ACOT11: variants seen among roughly 807,000 people sequenced by gnomAD.
ACOT11 encodes the protein acyl-coenzyme A thioesterase 11.
ACOT11 carries 69 observed loss-of-function variants against 77.5 expected under a neutral mutation model. The observed-to-expected ratio is 0.89, with a 90% CI of 0.73 to 1.09. The LOEUF (loss-of-function observed/expected upper bound fraction) is 1.09, where lower values mean the gene tolerates loss of function less well. ACOT11 is among the 50% of genes least tolerant of loss of function. The pLI is 0.00. For synonymous variants in ACOT11, 279 were observed against 313.0 expected (o/e 0.89, Z 1.15); for missense variants, 766 against 813.7 (o/e 0.94, Z 0.71).
At chr1:54,594,082 T>C in intron 5 of ACOT11, 43 bp downstream of exon 5, 1 of 1,573,326 alleles carries the variant, frequency 6.4e-7, no homozygotes, top group Non-Finnish European at 8.7e-7. Flanking sequence ...CTCAGTGACC[T>C]GGGCACCTGC....
chr1:54,571,840 G>T (rs1205489073), intron 1 of ACOT11, among the ~76,000 whole-genome samples: 2 of 152,168 alleles, frequency 1.3e-5, no homozygotes, highest in Non-Finnish European at 2.9e-5. Flanking sequence ...GGGTAGTGAG[G>T]GGGATGCTGA....
chr1:54,602,906 G>A (rs560467319), intron 10 of ACOT11, among the ~76,000 whole-genome samples, 182 bp downstream of exon 10: 4 of 152,344 alleles, frequency 2.6e-5, no homozygotes, highest in East Asian at 3.9e-4. Flanking sequence ...ACACGAGGAC[G>A]CTGGGGACAG....
chr1:54,582,175 C>A (rs2100975798), intron 1 of ACOT11, among the ~76,000 whole-genome samples: 1 of 152,284 alleles, frequency 6.6e-6, no homozygotes, highest in African/African-American at 2.4e-5. Context: ...GTATGCAAAT[C>A]CCAGGCTGAG....
At chr1:54,635,516 A>C (rs1644326096) in exon 17 of ACOT11, 2 of 199,656 alleles carry the variant, frequency 1.0e-5, no homozygotes, top group South Asian at 1.5e-4. Flanking sequence ...GACACTCTAC[A>C]AACTTGTTTT....
chr1:54,597,352 A>C lies in ACOT11; in HGVS notation c.701A>C (p.Gln234Pro). The C allele has an allele frequency of 6.2e-7, 1 of 1,613,932 alleles. No individual in the cohort carries two copies. The highest frequency in any genetic ancestry group is 8.5e-7 in the Non-Finnish European group (1 of 1,179,978). ...ELVLPPHANH[Q>P]GNTFGGQIMA... ...GTCCTGCCTCCCCACGCCAATCACC[A>C]GGGCAACACCTTTGGGGGCCAGATC... Residue 234 changes from glutamine to proline, a missense_variant, in exon 7 of 16, where the codon CAG becomes CCG. Gln to Pro is a moderately conservative substitution (Grantham distance 76). Coordinates refer to ENST00000343744, the MANE Select transcript of ACOT11 (RefSeq NM_147161.4).
intron 15 of ACOT11, 125 bp downstream of exon 15, chr1:54,608,193 A>G: frequency 2.4e-6 from 2 of 820,020 alleles, no homozygotes; most frequent in African/African-American, 1.7e-5. Flanking sequence ...TCCCCCTTCC[A>G]GCCTGGGGGA....
chr1:54,570,391 C>T (rs778423666), intron 1 of ACOT11, among the ~76,000 whole-genome samples: 10 of 152,230 alleles, frequency 6.6e-5, no homozygotes, highest in Non-Finnish European at 1.3e-4. Context: ...TAGCCCAGGG[C>T]TGAAAGGCTC....
intron 1 of ACOT11, among the ~76,000 whole-genome samples, chr1:54,553,458 ACT>A (rs1345776322): frequency 6.6e-6 from 1 of 150,958 alleles, no homozygotes; most frequent in Non-Finnish European, 1.5e-5. Flanking sequence ...ACCGAACAAG[ACT>A]CTGTCTCAAA....
At chr1:54,603,349 A>AAAAT (rs1392152423) in intron 10 of ACOT11, among the ~76,000 whole-genome samples, 17 of 152,346 alleles carry the variant, frequency 1.1e-4, no homozygotes, top group South Asian at 2.1e-4. Context: ...ACTCTGTCTC[A>AAAAT]AAATAAATAA....
At position 54,617,754 on chromosome 1, in the gene ACOT11, C is replaced by T. The variant is rs550519437; in HGVS notation, c.1629+9686C>T. Among the ~76,000 whole-genome samples the T allele has an allele frequency of 3.5e-3, 394 of 111,610 alleles. 2 individuals are homozygous for T. Among genetic ancestry groups the T allele is most frequent in the Middle Eastern group, 0.016 (2 of 126 alleles). The allele number at this position is 111,610 out of a possible 152,430, so 73.2% of individuals were successfully genotyped here. ...TTTTTTTTTTTTTTTTATGAAGTCT[C>T]GCTCTGTTGCCCAGGCTGGAGTGCT... On this transcript the variant is annotated intron_variant, in intron 15 of 16. Coordinates refer to the ACOT11 transcript ENST00000371316.
At chr1:54,552,866 T>C (rs1195434386) in intron 1 of ACOT11, among the ~76,000 whole-genome samples, 2 of 148,436 alleles carry the variant, frequency 1.3e-5, no homozygotes, top group Non-Finnish European at 1.5e-5. Flanking sequence ...TCGCTCTTGT[T>C]GCCCAGGCTG....
intron 3 of ACOT11, among the ~76,000 whole-genome samples, chr1:54,587,490 C>A (rs953934390): frequency 6.7e-6 from 1 of 149,012 alleles, no homozygotes; most frequent in Non-Finnish European, 1.5e-5. Flanking sequence ...TCCAGCCTGC[C>A]AACCTGGGCA....
intron 1 of ACOT11, among the ~76,000 whole-genome samples, chr1:54,579,646 A>T (rs1654234277): frequency 6.6e-6 from 1 of 152,188 alleles, no homozygotes. Flanking sequence ...GGGGCCTTTC[A>T]TGGGGCCTGG....
chr1:54,560,450 G>A (rs1653428799), intron 1 of ACOT11, among the ~76,000 whole-genome samples: 1 of 152,012 alleles, frequency 6.6e-6, no homozygotes, highest in Non-Finnish European at 1.5e-5. Context: ...TCCTGCCTAG[G>A]GCTTCTTCAG....
At chr1:54,572,094 T>C (rs1569678301) in intron 1 of ACOT11, among the ~76,000 whole-genome samples, 2 of 151,848 alleles carry the variant, frequency 1.3e-5, no homozygotes, top group South Asian at 4.2e-4. Flanking sequence ...CTGTCCTCCC[T>C]TCCTGCTCGC....
intron 15 of ACOT11, among the ~76,000 whole-genome samples, chr1:54,620,845 CAAAA>C (rs767625864): frequency 8.5e-3 from 103 of 12,090 alleles, no homozygotes; most frequent in Non-Finnish European, 0.013. Flanking sequence ...GAGACTCTGT[CAAAA>C]AAAAAAAAAA....
intron 1 of ACOT11, among the ~76,000 whole-genome samples, chr1:54,576,452 AC>A (rs143903333): frequency 0.12 from 16,473 of 137,242 alleles, 2,322 homozygotes; most frequent in African/African-American, 0.35. Flanking sequence ...AGCTGAGGTC[AC>A]CCCCACTGCA....
At chr1:54,612,637 T>G (rs147577669), downstream of ACOT11, 4,975 of 1,614,050 alleles carry the variant, frequency 3.1e-3, 145 homozygotes, top group African/African-American at 0.058. Flanking sequence ...TTTGGGGACG[T>G]GGACATGTAG....
At chr1:54,548,847 G>A (rs1258242907) in intron 1 of ACOT11, among the ~76,000 whole-genome samples, 1 of 152,152 alleles carries the variant, frequency 6.6e-6, no homozygotes. Context: ...ATCACATGAC[G>A]GCTGCGGAAA....
Sources: allele counts gnomAD v4.1 joint callset (sites outside exome capture counted in the v4.1 genomes callset), GRCh38; gene constraint gnomAD v4.1.1; transcripts MANE v1.5; gene names NCBI Gene and HGNC (gene_info 2026-07-23, HGNC 2026-07-21).